The following LCN2 variants were observed in gnomAD, a reference collection of about 807,000 sequenced individuals.
LCN2 encodes the protein lipocalin 2.
Under a neutral mutation model 26.4 loss-of-function variants are expected in LCN2, and 27 were observed. The observed-to-expected ratio is 1.02, with a 90% CI of 0.76 to 1.41. LCN2 has a LOEUF of 1.41. LCN2 is among the 40% of genes most tolerant of loss of function. The probability of loss-of-function intolerance (pLI) is 0.00; values close to 1 mark genes in which losing one functional copy is unlikely to be tolerated. For synonymous variants in LCN2, 94 were observed against 98.9 expected, an observed-to-expected ratio of 0.95 and a Z score of 0.30; for missense variants, 224 against 237.6, an observed-to-expected ratio of 0.94 and a Z score of 0.38.
In LCN2 at chr9:128,151,327, G is replaced by C. The variant is rs935590848; in HGVS notation, c.276-311G>C. ...GCAGGGTTTCTGTGTGTTGGGTGGC[G>C]GGGGGGGTGAAAGCCACCCAGGGAG... is the stretch of plus-strand genomic sequence containing the variant. On this transcript the variant is annotated intron_variant, in intron 2 of 6. Coordinates refer to ENST00000277480, the MANE Select transcript of LCN2 (RefSeq NM_005564.5). The C allele has an allele frequency of 1.8e-5, 10 of 540,874 alleles. No individual in the cohort carries two copies. The South Asian group carries it at 2.3e-4, about 13-fold the overall frequency. 33.5% of individuals were successfully genotyped at this position (540,874 alleles called of 1,614,324 possible).
In LCN2 at chr9:128,152,026, G is replaced by A; in HGVS notation, c.475+1G>A. The A allele has an allele frequency of 6.2e-7, 1 of 1,614,096 alleles. No individual in the cohort carries two copies. The highest frequency in any genetic ancestry group is 8.5e-7 in the Non-Finnish European group (1 of 1,179,984). On this transcript the variant is annotated splice_donor_variant, in intron 4 of 6. Transcript: ENST00000277480. LOFTEE classifies it high-confidence loss of function. ...GAGTACTTCAAGATCACCCTCTACG[G>A]TGGGTCCTCTCCCATCCCCTCGGGG...
chr9:128,150,677 T>C lies in LCN2; in HGVS notation c.275+303T>C, dbSNP rs990763216. The C allele has an allele frequency of 4.3e-5, 24 of 563,654 alleles. No individual in the cohort carries two copies. The Admixed American group carries it at 5.3e-4, about 12-fold the overall frequency. 34.9% of individuals were successfully genotyped at this position (563,654 alleles called of 1,614,324 possible). A position where few individuals can be genotyped will look rare whatever the true frequency, so the allele number is the denominator to read the frequency against. On this transcript the variant is annotated intron_variant, in intron 2 of 6. Transcript: ENST00000277480. ...CCACCCAGTGCCTTCATGGAAGGCT[T>C]CCAGGGAGGTGGCCTTAAAAGAGCC...
At position 128,151,925 on chromosome 9, in the gene LCN2, T is replaced by C. The variant is rs763824629; in HGVS notation, c.375T>C (p.Ser125=). The C allele has an allele frequency of 6.2e-7, 1 of 1,614,104 alleles. No homozygotes were observed. The highest frequency in any genetic ancestry group is 2.2e-5 in the East Asian group (1 of 44,882). Residue 125 remains serine, a synonymous_variant, in exon 4 of 7, where the codon AGT becomes AGC. Coordinates refer to ENST00000277480, the MANE Select transcript of LCN2 (RefSeq NM_005564.5). ...CTGCAGGTTACCCTGGATTAACGAGTTACCTCGTCCGAGTGGTGAGCACCA... is the reference window on the plus strand; with the variant it reads ...CTGCAGGTTACCCTGGATTAACGAGCTACCTCGTCCGAGTGGTGAGCACCA... ...GNIKSYPGLT[S]YLVRVVSTNY...
rs138858669 is a variant in LCN2, at chr9:128,152,024, C to A, written c.474C>A (p.Tyr158Ter). 16 of 1,613,940 alleles carry A rather than the reference C, an allele frequency of 9.9e-6. No individual in the cohort carries two copies. The highest frequency in any genetic ancestry group is 1.3e-5 in the Non-Finnish European group (15 of 1,179,956). Reference sequence around the variant, plus strand: ...GGGAGTACTTCAAGATCACCCTCTACGGTGGGTCCTCTCCCATCCCCTCGG... The same window carrying A: ...GGGAGTACTTCAAGATCACCCTCTAAGGTGGGTCCTCTCCCATCCCCTCGG... ...QNREYFKITLYGRTKELTSEL... is the reference protein window; with the variant it reads ...QNREYFKITL Residue 158 changes from tyrosine to a stop codon, truncating the protein, a stop_gained and splice_region_variant, in exon 4 of 7, where the codon TAC becomes TAA. Transcript: ENST00000277480. LOFTEE classifies it high-confidence loss of function.
intron 2 of LCN2, chr9:128,150,686 G>A (rs138686323): frequency 1.8e-6 from 1 of 548,502 alleles, no homozygotes; most frequent in East Asian, 4.4e-5. Flanking sequence ...TTCCAGGGAG[G>A]TGGCCTTAAA....
At chr9:128,150,476 CG>C in intron 2 of LCN2, 102 bp downstream of exon 2, 1 of 1,448,028 alleles carries the variant, frequency 6.9e-7, no homozygotes, top group South Asian at 1.1e-5. Context: ...CTGTTCTGCC[CG>C]GAATTCATCT....
rs1048650914 is a variant in LCN2, at chr9:128,153,102, C to G, written c.580C>G (p.Gln194Glu). Residue 194 changes from glutamine to glutamate, a missense_variant and splice_region_variant, in exon 6 of 7, where the codon CAG (glutamine) becomes GAG (glutamate). Physicochemically the swap from Gln to Glu is conservative, Grantham distance 29 (BLOSUM62 2). Coordinates refer to ENST00000277480, the MANE Select transcript of LCN2 (RefSeq NM_005564.5). This position sits in a 1 kb window ranked among gnomAD's most constrained non-coding sequence, Gnocchi z 5.4. Reference sequence around the variant, plus strand: ...CTGACGGACTTTCTCCCTAACAGACCAGTGTATCGACGGCTGAGTGCACAG... The same window carrying G: ...CTGACGGACTTTCTCCCTAACAGACGAGTGTATCGACGGCTGAGTGCACAG... ...NHIVFPVPIDQCIDG is the reference protein window; with the variant it reads ...NHIVFPVPIDECIDG 6.2e-7 allele frequency: 1 copy of G among 1,614,006 alleles called. No individual in the cohort carries two copies. Among genetic ancestry groups the G allele is most frequent in the Non-Finnish European group, 8.5e-7 (1 of 1,180,012 alleles).
rs374406428 is a variant in LCN2 at position 128,151,622 on chromosome 9, A to G, written c.276-16A>G. 1 of 1,611,742 alleles carries G rather than the reference A, an allele frequency of 6.2e-7. No homozygotes were observed. The highest frequency in any genetic ancestry group is 8.5e-7 in the Non-Finnish European group (1 of 1,178,056). ...GGGTTGTCTCCCCTCTCACCCACCC[A>G]TCTCTCCCTCCCAAGGAAAAAGAAG... On this transcript the variant is annotated splice_polypyrimidine_tract_variant and intron_variant, in intron 2 of 6. Transcript: ENST00000277480.
rs531790705 is a variant in LCN2, at chr9:128,153,354, C to G, written c.*51C>G. ...ACCAGCCCGAACACCATTGAGGGAG[C>G]TGGGAGACCCTCCCCACAGTGCCAC... On this transcript the variant is annotated 3_prime_UTR_variant, in exon 7 of 7. Transcript: ENST00000277480. The surrounding 1 kb of genome is among the most constrained non-coding windows in gnomAD (Gnocchi z 5.4). 8 of 594,590 alleles carry G rather than the reference C, an allele frequency of 1.3e-5. No individual in the cohort carries two copies. The highest frequency in any genetic ancestry group is 2.1e-5 in the Non-Finnish European group (7 of 331,136). The allele number at this position is 594,590 out of a possible 1,614,324, so 36.8% of individuals were successfully genotyped here.
Position 128,152,202 on chromosome 9 carries a change from T to G in LCN2, c.495T>G (p.Thr165=). The change falls in exon 5 of 7, where the codon ACT becomes ACG. Residue 165 remains threonine, a synonymous_variant. Transcript: ENST00000277480. ...ITLYGRTKEL[T]SELKENFIRF... is the part of the protein sequence containing the mutation. ...TCACAGGGAGAACCAAGGAGCTGAC[T>G]TCGGAACTAAAGGAGAACTTCATCC... 3 of 1,614,126 alleles carry G rather than the reference T, an allele frequency of 1.9e-6. No homozygotes were observed. Among genetic ancestry groups the G allele is most frequent in the Non-Finnish European group, 2.5e-6 (3 of 1,180,016 alleles).
Position 128,152,184 on chromosome 9 carries a change from G to A in LCN2, c.477G>A (p.Gly159=), listed in dbSNP as rs751745726. Residue 159 remains glycine (G), a splice_region_variant and synonymous_variant, in exon 5 of 7, where the codon GGG becomes GGA. Transcript: ENST00000277480. ...NREYFKITLY[G]RTKELTSELK... ...ACTCACTGGCCATCTTGGTCACAGG[G>A]AGAACCAAGGAGCTGACTTCGGAAC... The A allele has an allele frequency of 2.5e-6, 4 of 1,614,010 alleles. No homozygotes were observed. Among genetic ancestry groups the A allele is most frequent in the Admixed American group, 3.3e-5 (2 of 60,022 alleles).
chr9:128,149,474 C>T lies in LCN2; in HGVS notation c.-52C>T. On this transcript the variant is annotated 5_prime_UTR_variant, in exon 1 of 7. Transcript: ENST00000277480. ...TCTCACTCGCCACCTCCTCTTCCAC[C>T]CCTGCCAGGCCCAGCAGCCACCACA... 1 of 1,507,704 alleles carries T rather than the reference C, an allele frequency of 6.6e-7. No homozygotes were observed. Among genetic ancestry groups the T allele is most frequent in the Middle Eastern group, 2.1e-4 (1 of 4,812 alleles). 93.4% of individuals were successfully genotyped at this position (1,507,704 alleles called of 1,614,324 possible). A position where few individuals can be genotyped will look rare whatever the true frequency, so the allele number is the denominator to read the frequency against.
intron 5 of LCN2, among the ~76,000 whole-genome samples, 187 bp downstream of exon 5, chr9:128,152,471 G>A (rs1339828980): frequency 1.3e-5 from 2 of 152,128 alleles, no homozygotes; most frequent in Non-Finnish European, 2.9e-5. Flanking sequence ...AGGGTCTATG[G>A]GACTCCCAGG....
chr9:128,149,695 G>A, intron 1 of LCN2, 32 bp downstream of exon 1: 1 of 1,612,616 alleles, frequency 6.2e-7, no homozygotes, highest in Non-Finnish European at 8.5e-7. Context: ...CTGCAGGCAG[G>A]GCCTGGGGAA....
At chr9:128,151,130 G>A (rs546134466) in intron 2 of LCN2, among the ~76,000 whole-genome samples, 1 of 152,232 alleles carries the variant, frequency 6.6e-6, no homozygotes, top group Admixed American at 6.5e-5. Flanking sequence ...ACAGGTTGGG[G>A]AGCTCAGCCC....
In LCN2 at chr9:128,153,205, G is replaced by T; in HGVS notation, c.*7+79G>T. ...GGCTGGGGGTCTTGGGCCTGCCTTT[G>T]CTCATCCCCCTGCCCCCCAGCACTG... On this transcript the variant is annotated intron_variant, in intron 6 of 6. Transcript: ENST00000277480. This position sits in a 1 kb window ranked among gnomAD's most constrained non-coding sequence, Gnocchi z 5.4. 6.5e-7 allele frequency: 1 copy of T among 1,546,664 alleles called. No homozygotes were observed.
chr9:128,153,110 C>T lies in LCN2; in HGVS notation c.588C>T (p.Ile196=), dbSNP rs755704608. The change falls in exon 6 of 7, where the codon ATC becomes ATT. Residue 196 remains isoleucine, a synonymous_variant. Coordinates refer to ENST00000277480, the MANE Select transcript of LCN2 (RefSeq NM_005564.5). The surrounding 1 kb of genome is among the most constrained non-coding windows in gnomAD (Gnocchi z 5.4). ...IVFPVPIDQC[I]DG is the part of the protein sequence containing the mutation. ...CTTTCTCCCTAACAGACCAGTGTAT[C>T]GACGGCTGAGTGCACAGTGAGTGTG... 30 of 1,614,002 alleles carry T rather than the reference C, an allele frequency of 1.9e-5. No homozygotes were observed. Among genetic ancestry groups the T allele is most frequent in the Admixed American group, 5.0e-5 (3 of 60,002 alleles).
At chr9:128,150,445 G>A in intron 2 of LCN2, 71 bp downstream of exon 2, 1 of 1,597,220 alleles carries the variant, frequency 6.3e-7, no homozygotes, top group Non-Finnish European at 8.6e-7. Context: ...CCAAAGCTGA[G>A]GGATCCTGTC....
intron 2 of LCN2, 56 bp downstream of exon 2, chr9:128,150,430 G>C: frequency 6.2e-7 from 1 of 1,611,154 alleles, no homozygotes; most frequent in Non-Finnish European, 8.5e-7. Flanking sequence ...ACAGGCAAGG[G>C]ATGGCCAAAG....
Sources: gnomAD v4.1 joint callset for allele counts (sites outside exome capture counted in the v4.1 genomes callset) on GRCh38, gnomAD v4.1.1 for gene constraint, Gnocchi (gnomAD v3.1) non-coding constraint, MANE v1.5 for transcripts, NCBI Gene and HGNC (gene_info 2026-07-23, HGNC 2026-07-21) for gene names.